Variants in NUP153 observed in about 807,000 individuals in gnomAD.
NUP153 encodes the protein nuclear pore complex protein Nup153.
NUP153 carries 27 observed loss-of-function variants against 134.6 expected under a neutral mutation model. The observed-to-expected ratio is 0.20, with a 90% CI of 0.15 to 0.28. NUP153 has a LOEUF of 0.28. Ranked by LOEUF, NUP153 falls within the 10% of genes least tolerant of loss-of-function variation. The probability of loss-of-function intolerance (pLI) is 1.00; values close to 1 mark genes in which losing one functional copy is unlikely to be tolerated. For missense variants in NUP153, 1,821 were observed against 1,731.3 expected (o/e 1.05, Z -0.92); for synonymous variants, 640 against 623.5 (o/e 1.03, Z -0.40).
chr6:17,636,467 C>G (rs1765555948), intron 16 of NUP153, among the ~76,000 whole-genome samples: 1 of 152,038 alleles, frequency 6.6e-6, no homozygotes, highest in Non-Finnish European at 1.5e-5. Flanking sequence ...ACATTACAGA[C>G]ACAAAACTGC....
chr6:17,687,607 G>A (rs1052361248), intron 2 of NUP153, among the ~76,000 whole-genome samples: 2 of 152,012 alleles, frequency 1.3e-5, no homozygotes, highest in Non-Finnish European at 2.9e-5. Context: ...TTTTTACTAT[G>A]GACAAATCAG....
intron 1 of NUP153, among the ~76,000 whole-genome samples, chr6:17,697,632 G>A (rs1769739712): frequency 6.6e-6 from 1 of 152,142 alleles, no homozygotes; most frequent in Non-Finnish European, 1.5e-5. Context: ...AGGTTGCAGT[G>A]AGCCGAGATC....
chr6:17,622,757 T>C (rs1292040249), intron 20 of NUP153, among the ~76,000 whole-genome samples: 3 of 152,086 alleles, frequency 2.0e-5, no homozygotes, highest in African/African-American at 7.2e-5. Flanking sequence ...GGATAGAAAG[T>C]TATAGTATAC....
intron 8 of NUP153, among the ~76,000 whole-genome samples, chr6:17,666,385 T>C (rs1767533468): frequency 6.6e-6 from 1 of 151,906 alleles, no homozygotes; most frequent in South Asian, 2.1e-4. Flanking sequence ...CGTGGTGGCA[T>C]GCGCCTGTAA....
At chr6:17,619,678 T>C (rs1007156106) in intron 20 of NUP153, 2 of 152,298 alleles carry the variant, frequency 1.3e-5, no homozygotes, top group African/African-American at 4.8e-5. Flanking sequence ...CACAAACAAA[T>C]GTAAAGACAT....
chr6:17,684,220 T>A (rs1489455581), intron 2 of NUP153, among the ~76,000 whole-genome samples: 1 of 152,228 alleles, frequency 6.6e-6, no homozygotes, highest in East Asian at 1.9e-4. Flanking sequence ...CAAGTATTCC[T>A]TTATAGAATG....
chr6:17,706,894 C>A lies in NUP153; in HGVS notation c.-507G>T, dbSNP rs376529976. On this transcript the variant is annotated 5_prime_UTR_variant, in exon 1 of 22. Transcript: ENST00000262077. The surrounding 1 kb of genome is among the most constrained non-coding windows in gnomAD (Gnocchi z 5.9). ...GCCGCCGTTGCGCCTATTACCCCTG[C>A]TAAGGCGGCTGCCGCGGTCGCGAGC... is the stretch of plus-strand genomic sequence containing the variant. The A allele has an allele frequency of 5.5e-4, 87 of 158,590 alleles. No individual in the cohort carries two copies. In the East Asian group the frequency reaches 0.015, roughly 27 times the overall value. 9.8% of individuals were successfully genotyped at this position (158,590 alleles called of 1,614,324 possible).
intron 12 of NUP153, among the ~76,000 whole-genome samples, chr6:17,648,345 G>A (rs1027586241): frequency 6.6e-6 from 1 of 152,154 alleles, no homozygotes; most frequent in Non-Finnish European, 1.5e-5. Context: ...GGCCAGGAGT[G>A]GGGGCTCACG....
At chr6:17,620,392 A>G (rs1764591121) in intron 20 of NUP153, among the ~76,000 whole-genome samples, 1 of 152,230 alleles carries the variant, frequency 6.6e-6, no homozygotes, top group Middle Eastern at 3.2e-3. Flanking sequence ...ACGCATTGGG[A>G]AAAGGATACT....
chr6:17,624,858 G>C, intron 19 of NUP153, 25 bp from the exon 20 acceptor site: 1 of 1,543,468 alleles, frequency 6.5e-7, no homozygotes, highest in Non-Finnish European at 8.7e-7. Flanking sequence ...AAACACTTAA[G>C]TCACCATGGT....
intron 2 of NUP153, among the ~76,000 whole-genome samples, chr6:17,683,496 T>C (rs1020956535): frequency 2.0e-5 from 3 of 152,318 alleles, no homozygotes; most frequent in African/African-American, 2.4e-5. Context: ...TAATGAGCAG[T>C]GTTGTTTTGC....
rs978535169 is a variant in NUP153, at chr6:17,706,299, T to C, written c.89A>G (p.Gln30Arg). 6.2e-7 allele frequency: 1 copy of C among 1,613,574 alleles called. No homozygotes were observed. Among genetic ancestry groups the C allele is most frequent in the East Asian group, 2.2e-5 (1 of 44,846 alleles). Reference protein sequence around the residue: ...RCHQGPIKPYQQGRQQHQGIL... With the variant: ...RCHQGPIKPYRQGRQQHQGIL... ...TACCTGATGCTGTTGTCGCCCCTGC[T>C]GGTAAGGCTTAATTGGCCCCTGGTG... is the stretch of plus-strand genomic sequence containing the variant. The change falls in exon 1 of 22, where the codon CAG (glutamine) becomes CGG (arginine). Residue 30 changes from glutamine (Q) to arginine (R), a missense_variant. Physicochemically the swap from Gln to Arg is conservative, Grantham distance 43. Coordinates refer to ENST00000262077, the MANE Select transcript of NUP153 (RefSeq NM_005124.4). This position sits in a 1 kb window ranked among gnomAD's most constrained non-coding sequence, Gnocchi z 5.9.
chr6:17,663,148 A>T (rs925832819), intron 9 of NUP153, among the ~76,000 whole-genome samples: 1 of 152,032 alleles, frequency 6.6e-6, no homozygotes, highest in African/African-American at 2.4e-5. Flanking sequence ...AGAAAAAGAT[A>T]GAGCAAATGT....
intron 20 of NUP153, among the ~76,000 whole-genome samples, chr6:17,617,895 C>T (rs1764420848): frequency 6.6e-6 from 1 of 152,176 alleles, no homozygotes; most frequent in South Asian, 2.1e-4. Context: ...TCCTCTTCCA[C>T]CGCACCAGAA....
chr6:17,670,358 T>C (rs1414689405), intron 5 of NUP153, among the ~76,000 whole-genome samples: 1 of 152,194 alleles, frequency 6.6e-6, no homozygotes, highest in Non-Finnish European at 1.5e-5. Flanking sequence ...TGTATATAAA[T>C]ACAACAGACT....
At chr6:17,640,285 A>G (rs923303680) in intron 14 of NUP153, among the ~76,000 whole-genome samples, 1 of 152,210 alleles carries the variant, frequency 6.6e-6, no homozygotes, top group Non-Finnish European at 1.5e-5. Context: ...CACCAATAAA[A>G]AGGCAAAAAA....
chr6:17,641,781 G>A (rs1765854040), intron 14 of NUP153, among the ~76,000 whole-genome samples: 1 of 152,062 alleles, frequency 6.6e-6, no homozygotes, highest in Admixed American at 6.5e-5. Flanking sequence ...GAACCTGAGA[G>A]GTGGAGCTTG....
chr6:17,675,242 C>G lies in NUP153; in HGVS notation c.710G>C (p.Gly237Ala). The G allele has an allele frequency of 6.2e-7, 1 of 1,613,916 alleles. No homozygotes were observed. Residue 237 changes from glycine (G) to alanine (A), a missense_variant, in exon 4 of 22, where the codon GGA becomes GCA. By Grantham distance (60) the Gly-to-Ala change is moderately conservative. Transcript: ENST00000262077. This position sits in a 1 kb window ranked among gnomAD's most constrained non-coding sequence, Gnocchi z 4.4. Reference protein sequence around the residue: ...KKPAFNLSAFGTLSPSLGNSS... With the variant: ...KKPAFNLSAFATLSPSLGNSS... The stretch of plus-strand genomic sequence containing the variant: ...GTTAGTACTCACAGGGGAAAGTGTT[C>G]CAAAGGCAGACAAGTTGAATGCTGG...
intron 1 of NUP153, among the ~76,000 whole-genome samples, chr6:17,689,570 CTT>C (rs1224440930): frequency 6.7e-6 from 1 of 148,760 alleles, no homozygotes; most frequent in Non-Finnish European, 1.5e-5. Flanking sequence ...GAGTTTCACT[CTT>C]GTTGCCCAGG....
Sources: allele counts gnomAD v4.1 joint callset (sites outside exome capture counted in the v4.1 genomes callset), GRCh38; gene constraint gnomAD v4.1.1; non-coding constraint Gnocchi (gnomAD v3.1); transcripts MANE v1.5; gene names NCBI Gene and HGNC (gene_info 2026-07-23, HGNC 2026-07-21).